Variants in PLEKHF1 observed in about 807,000 individuals in gnomAD.
PLEKHF1 encodes pleckstrin homology and FYVE domain containing 1, also known as pleckstrin homology domain-containing family F member 1.
PLEKHF1 carries 1 observed loss-of-function variant against 4.1 expected under a neutral mutation model. The observed-to-expected ratio is 0.24, with a 90% CI of 0.09 to 1.15. PLEKHF1 has a LOEUF of 1.15. PLEKHF1 is among the 50% of genes most tolerant of loss of function. PLEKHF1 has a pLI of 0.52. For synonymous variants in PLEKHF1, 182 were observed against 178.5 expected (o/e 1.02, Z -0.16); for missense variants, 429 against 400.6 (o/e 1.07, Z -0.60).
chr19:29,674,218 G>A lies in PLEKHF1; in HGVS notation c.379G>A (p.Glu127Lys), dbSNP rs774158005. 1.2e-6 allele frequency: 2 copies of A among 1,612,474 alleles called. No homozygotes were observed. The highest frequency in any genetic ancestry group is 1.7e-5 in the Admixed American group (1 of 60,018). The change falls in exon 2 of 2, where the codon GAG (glutamate) becomes AAG (lysine). Residue 127 changes from glutamate to lysine, a missense_variant. Glu to Lys is a moderately conservative substitution (Grantham distance 56). Transcript: ENST00000436066. ...GCGCCAGGAATGGATTAGCCACATC[G>A]AGGAGTGCGTGCGGCGGCAACTGAG... ...TERQEWISHI[E>K]ECVRRQLRAT... is the part of the protein sequence containing the mutation.
At chr19:29,668,446 T>C (rs1202362556) in intron 1 of PLEKHF1, among the ~76,000 whole-genome samples, 1 of 150,134 alleles carries the variant, frequency 6.7e-6, no homozygotes, top group East Asian at 1.9e-4. Flanking sequence ...CCAGCTGGGC[T>C]CAGTGGCTCA....
Position 29,675,015 on chromosome 19 carries a change from G to T in PLEKHF1, c.*336G>T. 1 of 290,094 alleles carries T rather than the reference G, an allele frequency of 3.4e-6. No homozygotes were observed. Among genetic ancestry groups the T allele is most frequent in the Non-Finnish European group, 6.8e-6 (1 of 147,874 alleles). The allele number at this position is 290,094 out of a possible 1,614,324, so 18.0% of individuals were successfully genotyped here. On this transcript the variant is annotated 3_prime_UTR_variant, in exon 2 of 2. Coordinates refer to ENST00000436066, the MANE Select transcript of PLEKHF1 (RefSeq NM_024310.5). ...CTCCAGACATCTAGGGACCAGAGCA[G>T]GTTTGGGAACACAGAGGGAAGACAG...
rs1407122481 is a variant in PLEKHF1, at chr19:29,674,734, A to G, written c.*55A>G. 7 of 1,523,154 alleles carry G rather than the reference A, an allele frequency of 4.6e-6. No individual in the cohort carries two copies. The highest frequency in any genetic ancestry group is 6.2e-6 in the Non-Finnish European group (7 of 1,134,934). The allele number at this position is 1,523,154 out of a possible 1,614,324, so 94.4% of individuals were successfully genotyped here. On this transcript the variant is annotated 3_prime_UTR_variant, in exon 2 of 2. Coordinates refer to ENST00000436066, the MANE Select transcript of PLEKHF1 (RefSeq NM_024310.5). Reference sequence around the variant, plus strand: ...GCCAGCTCCACTGCCCAGGCCCCCAAGAGGGCAGCTCCAGAAGCTGCCCAG... The same window carrying G: ...GCCAGCTCCACTGCCCAGGCCCCCAGGAGGGCAGCTCCAGAAGCTGCCCAG...
rs530769662 is a variant in PLEKHF1, at chr19:29,667,689, C to T, written c.-17+2184C>T. On this transcript the variant is annotated intron_variant, in intron 1 of 1. Transcript: ENST00000436066. Reference sequence around the variant, plus strand: ...CCAGGGCTACCATCTTGGGGCCCCACGCATCTCTCATTTATCCAAAATGCT... The same window carrying T: ...CCAGGGCTACCATCTTGGGGCCCCATGCATCTCTCATTTATCCAAAATGCT... Among the ~76,000 whole-genome samples the T allele has an allele frequency of 1.1e-4, 16 of 152,060 alleles. No homozygotes were observed. In the South Asian group the frequency reaches 2.7e-3, roughly 26 times the overall value.
chr19:29,665,747 C>A, intron 1 of PLEKHF1: 3 of 1,072,556 alleles, frequency 2.8e-6, no homozygotes, highest in Non-Finnish European at 3.4e-6. Context: ...GGGGTCAGAG[C>A]GTCCGAGGCG....
chr19:29,668,391 GGTT>G (rs1253825677), intron 1 of PLEKHF1, among the ~76,000 whole-genome samples: 1 of 151,826 alleles, frequency 6.6e-6, no homozygotes, highest in Non-Finnish European at 1.5e-5. Flanking sequence ...AAGCAAGGGA[GGTT>G]CACTTCCCTA....
Position 29,674,607 on chromosome 19 carries a change from C to T in PLEKHF1, c.768C>T (p.Ser256=), listed in dbSNP as rs1335585768. The part of the protein sequence containing the change: ...DDDSDEDKEG[S]RDGDWPSSVE... ...ACTCCGACGAGGACAAGGAGGGCAG[C>T]AGGGACGGCGACTGGCCCAGCAGCG... The change falls in exon 2 of 2, where the codon AGC becomes AGT. Residue 256 remains serine (S), a synonymous_variant. Coordinates refer to ENST00000436066, the MANE Select transcript of PLEKHF1 (RefSeq NM_024310.5). The T allele has an allele frequency of 6.2e-7, 1 of 1,608,262 alleles. No individual in the cohort carries two copies. The highest frequency in any genetic ancestry group is 1.7e-5 in the Admixed American group (1 of 59,538).
chr19:29,669,414 T>C (rs1304592933), intron 1 of PLEKHF1, among the ~76,000 whole-genome samples: 2 of 152,212 alleles, frequency 1.3e-5, no homozygotes, highest in Non-Finnish European at 2.9e-5. Context: ...TTTCATCCCG[T>C]TTCACCAGTG....
In PLEKHF1 at chr19:29,668,855, C is replaced by G. The variant is rs370306977; in HGVS notation, c.-17+3350C>G. On this transcript the variant is annotated intron_variant, in intron 1 of 1. Coordinates refer to ENST00000436066, the MANE Select transcript of PLEKHF1 (RefSeq NM_024310.5). ...GGTCATGTAGAGAAGGTGAGCATGC[C>G]GGGGCAGCTCCCAGGAGGATGTTGT... 2.6e-3 allele frequency among the ~76,000 whole-genome samples: 389 copies of G among 152,266 alleles called. 1 individual carries two copies. Among genetic ancestry groups the G allele is most frequent in the African/African-American group, 9.0e-3 (374 of 41,564 alleles).
At chr19:29,670,826 C>T (rs1207243267) in intron 1 of PLEKHF1, among the ~76,000 whole-genome samples, 2 of 150,702 alleles carry the variant, frequency 1.3e-5, no homozygotes, top group Non-Finnish European at 3.0e-5. Context: ...TACAGGCGCT[C>T]GCCACCACAC....
In PLEKHF1 at chr19:29,674,180, C is replaced by T; in HGVS notation, c.341C>T (p.Ala114Val). 6.2e-7 allele frequency: 1 copy of T among 1,613,342 alleles called. No individual in the cohort carries two copies. Among genetic ancestry groups the T allele is most frequent in the Non-Finnish European group, 8.5e-7 (1 of 1,179,902 alleles). The change falls in exon 2 of 2, where the codon GCC becomes GTC. Residue 114 changes from alanine to valine, a missense_variant. Transcript: ENST00000436066. ...AAGAAGTCCTTTGTGGTGTCGGCCG[C>T]CTCCGCTACGGAGCGCCAGGAATGG... is the stretch of plus-strand genomic sequence containing the variant. Reference protein sequence around the residue: ...TAKKSFVVSAASATERQEWIS... With the variant: ...TAKKSFVVSAVSATERQEWIS...
rs1971661281 is a variant in PLEKHF1 at position 29,673,939 on chromosome 19, C to T, written c.100C>T (p.Arg34Ter). The T allele has an allele frequency of 2.5e-6, 4 of 1,613,630 alleles. No individual in the cohort carries two copies. The highest frequency in any genetic ancestry group is 3.4e-6 in the Non-Finnish European group (4 of 1,179,882). Residue 34 changes from arginine (R) to a stop codon, truncating the protein, a stop_gained, in exon 2 of 2, where the codon CGA (arginine) becomes TGA (stop). Transcript: ENST00000436066. LOFTEE classifies it low-confidence loss of function (END_TRUNC). ...ASGQPLALPG[R>*]VLLGEGVLTK... ...GGGGCAGCCGCTGGCGCTGCCAGGC[C>T]GAGTGCTGCTGGGCGAGGGCGTGCT...
intron 1 of PLEKHF1, among the ~76,000 whole-genome samples, chr19:29,670,954 G>T (rs896781381): frequency 6.6e-6 from 1 of 152,140 alleles, no homozygotes; most frequent in Non-Finnish European, 1.5e-5. Context: ...GATTACAGGC[G>T]TGAGTATTTT....
Position 29,674,007 on chromosome 19 carries a change from C to T in PLEKHF1, c.168C>T (p.Phe56=). 1 of 1,614,122 alleles carries T rather than the reference C, an allele frequency of 6.2e-7. No individual in the cohort carries two copies. Among genetic ancestry groups the T allele is most frequent in the Non-Finnish European group, 8.5e-7 (1 of 1,179,998 alleles). ...CRKKAKPRIF[F]LFNDILVYGS... Reference sequence around the variant, plus strand: ...AGAAGGCCAAGCCGCGCATCTTCTTCCTCTTTAACGACATCCTGGTGTATG... The same window carrying T: ...AGAAGGCCAAGCCGCGCATCTTCTTTCTCTTTAACGACATCCTGGTGTATG... Residue 56 remains phenylalanine, a synonymous_variant, in exon 2 of 2, where the codon TTC becomes TTT. Transcript: ENST00000436066.
In PLEKHF1 at chr19:29,674,732, C is replaced by T. The variant is rs3745169; in HGVS notation, c.*53C>T. On this transcript the variant is annotated 3_prime_UTR_variant, in exon 2 of 2. Transcript: ENST00000436066. ...AAGCCAGCTCCACTGCCCAGGCCCC[C>T]AAGAGGGCAGCTCCAGAAGCTGCCC... 164,547 of 1,524,128 alleles carry T rather than the reference C, an allele frequency of 0.11. 10,146 individuals carry two copies. Among genetic ancestry groups the T allele is most frequent in the East Asian group, 0.21 (9,239 of 43,328 alleles). The allele number at this position is 1,524,128 out of a possible 1,614,324, so 94.4% of individuals were successfully genotyped here.
Position 29,671,162 on chromosome 19 carries a change from C to A in PLEKHF1, c.-16-2662C>A, listed in dbSNP as rs1267560001. 6.6e-6 allele frequency among the ~76,000 whole-genome samples: 1 copy of A among 150,980 alleles called. No homozygotes were observed. Among genetic ancestry groups the A allele is most frequent in the African/African-American group, 2.4e-5 (1 of 40,970 alleles). ...TCACACAGGCTGGAGTGCAATGGCG[C>A]CATCTTGGCTCACTGCAACCTCTGC... On this transcript the variant is annotated intron_variant, in intron 1 of 1. Transcript: ENST00000436066. The surrounding 1 kb of genome is among the most constrained non-coding windows in gnomAD (Gnocchi z 4.0).
chr19:29,668,417 A>G (rs769967495), intron 1 of PLEKHF1, among the ~76,000 whole-genome samples: 3 of 124,098 alleles, frequency 2.4e-5, no homozygotes, highest in Non-Finnish European at 5.1e-5. Flanking sequence ...GAGAACAATT[A>G]AAAAAAAAAA....
chr19:29,665,956 G>T lies in PLEKHF1; in HGVS notation c.-17+451G>T, dbSNP rs968474897. ...ATGGGACCACTGTCCCCCTGGGCAG[G>T]GGCGCGGCGGGGGGCGCTGGGGTCC... On this transcript the variant is annotated intron_variant, in intron 1 of 1. Transcript: ENST00000436066. Among the ~76,000 whole-genome samples the T allele has an allele frequency of 3.3e-5, 5 of 152,160 alleles. No individual in the cohort carries two copies. In the East Asian group the frequency reaches 5.8e-4, roughly 18 times the overall value.
intron 1 of PLEKHF1, among the ~76,000 whole-genome samples, chr19:29,668,773 C>A (rs1431836454): frequency 6.6e-6 from 1 of 151,804 alleles, no homozygotes; most frequent in Non-Finnish European, 1.5e-5. Flanking sequence ...TAACTCAGGG[C>A]TGCTGTATTT....
Sources: allele counts gnomAD v4.1 joint callset (sites outside exome capture counted in the v4.1 genomes callset), GRCh38; gene constraint gnomAD v4.1.1; non-coding constraint Gnocchi (gnomAD v3.1); transcripts MANE v1.5; gene names NCBI Gene and HGNC (gene_info 2026-07-23, HGNC 2026-07-21).